Variants in RNF169 observed in about 807,000 individuals in gnomAD.
RNF169 encodes the protein E3 ubiquitin-protein ligase RNF169.
Under a neutral mutation model 53.9 loss-of-function variants are expected in RNF169, and 24 were observed. That is an observed-to-expected ratio of 0.45 (90% CI 0.32 to 0.63). RNF169 has a LOEUF of 0.63. Among genes scored for constraint, RNF169 ranks in the 20% least tolerant of loss-of-function variants. RNF169 has a pLI of 0.04. For missense variants in RNF169, 883 were observed against 906.2 expected (o/e 0.97, Z 0.33); for synonymous variants, 396 against 363.5 (o/e 1.09, Z -1.02).
At chr11:74,791,192 C>G (rs2135084989) in intron 2 of RNF169, among the ~76,000 whole-genome samples, 1 of 152,336 alleles carries the variant, frequency 6.6e-6, no homozygotes, top group African/African-American at 2.4e-5. Flanking sequence ...CTCCCCTACA[C>G]AGGCAGGTCA....
Position 74,834,722 on chromosome 11 carries a change from G to A in RNF169, c.889G>A (p.Ala297Thr), listed in dbSNP as rs2036227823. ...AAGGAGTCAGAGCTGTAGTGACACA[G>A]CCCAGGAAAGAGCGAAGAGCAGAGT... is the stretch of plus-strand genomic sequence containing the variant. ...VERSQSCSDT[A>T]QERAKSRVRA... Residue 297 changes from alanine to threonine, a missense_variant, in exon 5 of 6, where the codon GCC becomes ACC. Ala to Thr is a moderately conservative substitution (Grantham distance 58). Around this residue, in one of 3 missense-constraint regions of RNF169, gnomAD observed 219 missense variants for 289.1 expected, o/e 0.76. Transcript: ENST00000299563. The A allele has an allele frequency of 6.2e-7, 1 of 1,613,794 alleles. No homozygotes were observed. The highest frequency in any genetic ancestry group is 1.3e-5 in the African/African-American group (1 of 74,878).
At chr11:74,816,918 A>G (rs984976281) in intron 3 of RNF169, among the ~76,000 whole-genome samples, 2 of 152,158 alleles carry the variant, frequency 1.3e-5, no homozygotes, top group Admixed American at 1.3e-4. Flanking sequence ...TGGAAAGATA[A>G]TTCTTGATGG....
chr11:74,749,120 C>T lies in RNF169; in HGVS notation c.240C>T (p.Ala80=), dbSNP rs182349127. 42 of 1,371,910 alleles carry T rather than the reference C, an allele frequency of 3.1e-5. No homozygotes were observed. The African/African-American group carries it at 5.1e-4, about 17-fold the overall frequency. The allele number at this position is 1,371,910 out of a possible 1,614,324, so 85.0% of individuals were successfully genotyped here. A position where few individuals can be genotyped will look rare whatever the true frequency, so the allele number is the denominator to read the frequency against. ...TGGAGCCCCCCGGAGAAGCAGCGGC[C>T]CTGCCGTGCGGCCACTCGCTTTGCC... ...GCLEPPGEAA[A]LPCGHSLCRG... is the part of the protein sequence containing the mutation. The change falls in exon 1 of 6, where the codon GCC becomes GCT. Residue 80 remains alanine, a synonymous_variant. Transcript: ENST00000299563.
At chr11:74,778,528 A>G (rs985767520) in intron 1 of RNF169, among the ~76,000 whole-genome samples, 5 of 152,204 alleles carry the variant, frequency 3.3e-5, no homozygotes, top group African/African-American at 7.2e-5. Flanking sequence ...GGATGGCACC[A>G]GGTTCAAGAG....
At chr11:74,756,973 T>C (rs2034993347) in intron 1 of RNF169, among the ~76,000 whole-genome samples, 1 of 152,140 alleles carries the variant, frequency 6.6e-6, no homozygotes, top group Non-Finnish European at 1.5e-5. Flanking sequence ...AAAAACTGCA[T>C]AATAAAGAAC....
chr11:74,822,030 A>T (rs1308458704), intron 4 of RNF169, among the ~76,000 whole-genome samples: 2 of 149,704 alleles, frequency 1.3e-5, no homozygotes, highest in Non-Finnish European at 3.0e-5. Context: ...TGAGTGAGTG[A>T]GAGAGAGAGA....
intron 1 of RNF169, among the ~76,000 whole-genome samples, chr11:74,764,492 G>T (rs1001906999): frequency 7.2e-5 from 11 of 151,988 alleles, no homozygotes; most frequent in Admixed American, 5.2e-4. Flanking sequence ...CTCCAGCTTG[G>T]GCAACCATGA....
At chr11:74,799,379 A>C (rs923708604) in intron 2 of RNF169, among the ~76,000 whole-genome samples, 2 of 152,186 alleles carry the variant, frequency 1.3e-5, no homozygotes, top group Admixed American at 1.3e-4. Context: ...TCCTTTTGCT[A>C]TTTATAACTA....
rs1445278388 is a variant in RNF169 at position 74,838,611 on chromosome 11, T to G, written c.*1881T>G. 6.6e-6 allele frequency: 1 copy of G among 152,244 alleles called. No homozygotes were observed. Among genetic ancestry groups the G allele is most frequent in the African/African-American group, 2.4e-5 (1 of 41,468 alleles). The allele number at this position is 152,244 out of a possible 1,614,324, so 9.4% of individuals were successfully genotyped here. ...CACTCACCTGAATGTATGCATTCTGTGTTCTCTGTGTGTGTGCACATATGC... is the reference window on the plus strand; with the variant it reads ...CACTCACCTGAATGTATGCATTCTGGGTTCTCTGTGTGTGTGCACATATGC... On this transcript the variant is annotated 3_prime_UTR_variant, in exon 6 of 6. Coordinates refer to ENST00000299563, the MANE Select transcript of RNF169 (RefSeq NM_001098638.2).
chr11:74,766,336 AAATT>A (rs1486723326), intron 1 of RNF169, among the ~76,000 whole-genome samples: 3 of 152,196 alleles, frequency 2.0e-5, no homozygotes, highest in African/African-American at 7.2e-5. Context: ...TTCCACAAAT[AAATT>A]AGGAAAAAAG....
chr11:74,823,236 C>A (rs2036041636), intron 4 of RNF169, among the ~76,000 whole-genome samples: 1 of 152,212 alleles, frequency 6.6e-6, no homozygotes, highest in East Asian at 1.9e-4. Flanking sequence ...TAATAAAACA[C>A]CTTTCTTGCT....
intron 1 of RNF169, among the ~76,000 whole-genome samples, chr11:74,758,614 G>A (rs1242813579): frequency 3.3e-5 from 5 of 151,262 alleles, no homozygotes; most frequent in African/African-American, 9.7e-5. Context: ...CCATTCTCCT[G>A]CCTCAGCCTC....
chr11:74,813,135 C>G (rs1387092590), intron 3 of RNF169, among the ~76,000 whole-genome samples: 3 of 152,184 alleles, frequency 2.0e-5, no homozygotes, highest in African/African-American at 7.2e-5. Flanking sequence ...AGCCACTCCC[C>G]CAAACCCCCA....
At position 74,836,679 on chromosome 11, in the gene RNF169, A is replaced by C. The variant is rs747772579; in HGVS notation, c.2076A>C (p.Gly692=). ...GGCGGACTGTGAGCCGGCGAAAAGG[A>C]AGTGTGGATCAGTATCTCCTACGGT... ...NERRTVSRRK[G]SVDQYLLRSS... Residue 692 remains glycine (G), a synonymous_variant, in exon 6 of 6, where the codon GGA becomes GGC. Transcript: ENST00000299563. 1.2e-5 allele frequency: 19 copies of C among 1,613,322 alleles called. No individual in the cohort carries two copies. The African/African-American group carries it at 1.7e-4, about 15-fold the overall frequency.
At chr11:74,828,680 A>G (rs1303178770) in intron 4 of RNF169, among the ~76,000 whole-genome samples, 4 of 152,222 alleles carry the variant, frequency 2.6e-5, no homozygotes, top group Non-Finnish European at 5.9e-5. Flanking sequence ...GAATCCAGAA[A>G]TAAGACCACA....
Position 74,836,228 on chromosome 11 carries a change from C to G in RNF169, c.1625C>G (p.Ser542Cys). Residue 542 changes from serine (S) to cysteine (C), a missense_variant, in exon 6 of 6, where the codon TCT becomes TGT. By Grantham distance (112) the Ser-to-Cys change is moderately radical (BLOSUM62 -1). Coordinates refer to ENST00000299563, the MANE Select transcript of RNF169 (RefSeq NM_001098638.2). ...CTCAAAGGGGGAGGCAGTGGGACTT[C>G]TTTGGAGAGGGAGCAGTTTGAGGGG... ...SELKGGGSGT[S>C]LEREQFEGLG... is the part of the protein sequence containing the mutation. 6.2e-7 allele frequency: 1 copy of G among 1,614,148 alleles called. No individual in the cohort carries two copies.
At chr11:74,759,961 A>G (rs1328364899) in intron 1 of RNF169, among the ~76,000 whole-genome samples, 3 of 150,584 alleles carry the variant, frequency 2.0e-5, no homozygotes, top group South Asian at 2.1e-4. Flanking sequence ...TGGTTGGTAA[A>G]CTATTGATTA....
intron 1 of RNF169, among the ~76,000 whole-genome samples, chr11:74,787,469 A>G (rs960639129): frequency 5.3e-5 from 8 of 152,258 alleles, no homozygotes; most frequent in Admixed American, 5.2e-4. Flanking sequence ...TAGATTAGCA[A>G]AGCGAAAAGG....
At chr11:74,759,016 G>A (rs2135308596) in intron 1 of RNF169, among the ~76,000 whole-genome samples, 1 of 150,698 alleles carries the variant, frequency 6.6e-6, no homozygotes, top group Admixed American at 6.7e-5. Flanking sequence ...CCTTGAAGAG[G>A]TCCTTCACAT....
Sources: allele counts gnomAD v4.1 joint callset (sites outside exome capture counted in the v4.1 genomes callset), GRCh38; gene constraint gnomAD v4.1.1; regional missense constraint gnomAD v4.1.1; transcripts MANE v1.5; gene names NCBI Gene and HGNC (gene_info 2026-07-23, HGNC 2026-07-21).